PRPSAP2: variants seen among roughly 807,000 people sequenced by gnomAD.
PRPSAP2 encodes the protein phosphoribosyl pyrophosphate synthetase associated protein 2.
A neutral mutation model predicts 40.6 loss-of-function variants in PRPSAP2; 24 were observed. The observed-to-expected ratio is 0.59, with a 90% confidence interval of 0.43 to 0.83. The LOEUF is 0.83. Among genes scored for constraint, PRPSAP2 ranks in the 40% least tolerant of loss-of-function variants. PRPSAP2 has a pLI of 0.00. For synonymous variants in PRPSAP2, 149 were observed against 164.7 expected, an observed-to-expected ratio of 0.90 and a Z score of 0.73; for missense variants, 292 against 465.6, an observed-to-expected ratio of 0.63 and a Z score of 3.43.
At chr17:18,876,925 C>T (rs796079787) in intron 5 of PRPSAP2, among the ~76,000 whole-genome samples, 7 of 152,188 alleles carry the variant, frequency 4.6e-5, no homozygotes, top group African/African-American at 1.7e-4. Flanking sequence ...AGGGGCAGAT[C>T]CTCAAGTTTG....
chr17:18,892,691 G>A (rs1478352355), intron 8 of PRPSAP2, among the ~76,000 whole-genome samples: 1 of 84,444 alleles, frequency 1.2e-5, no homozygotes, highest in Non-Finnish European at 2.6e-5. Context: ...CCTGTTGAGT[G>A]TGTGTGTGTG....
At chr17:18,889,112 AGT>A (rs2039373570) in intron 7 of PRPSAP2, among the ~76,000 whole-genome samples, 1 of 152,346 alleles carries the variant, frequency 6.6e-6, no homozygotes, top group South Asian at 2.1e-4. Flanking sequence ...ACTTCCTGAG[AGT>A]GTTGGATAAA....
chr17:18,865,745 C>T, intron 2 of PRPSAP2, 57 bp from the exon 3 acceptor site: 2 of 1,145,602 alleles, frequency 1.7e-6, no homozygotes, highest in Non-Finnish European at 2.2e-6. Flanking sequence ...AAAAAAAATT[C>T]ATTCAGGTAT....
rs1287037420 is a variant in PRPSAP2 at position 18,865,722 on chromosome 17, AG to A, written c.-32-79del. 15 of 868,484 alleles carry A rather than the reference AG, an allele frequency of 1.7e-5. No individual in the cohort carries two copies. The Admixed American group carries it at 3.0e-4, about 17-fold the overall frequency. The allele number at this position is 868,484 out of a possible 1,614,324, so 53.8% of individuals were successfully genotyped here. A position where few individuals can be genotyped will look rare whatever the true frequency, so the allele number is the denominator to read the frequency against. ...ATGGAAACTAATTTCCTTCAGCTGA[AG>A]TCATTTCCTTTAAAAAAAATTCATT... On this transcript the variant is annotated intron_variant, in intron 2 of 11. Transcript: ENST00000268835.
chr17:18,889,517 T>C (rs1281942575), intron 7 of PRPSAP2, among the ~76,000 whole-genome samples: 1 of 152,200 alleles, frequency 6.6e-6, no homozygotes, highest in Admixed American at 6.5e-5. Flanking sequence ...TGAAATTACA[T>C]GTAATTAGGA....
At position 18,916,130 on chromosome 17, in the gene PRPSAP2, A is replaced by G. The variant is rs368494610; in HGVS notation, c.733+4879A>G. Among the ~76,000 whole-genome samples, 39 of 151,786 alleles carry G rather than the reference A, an allele frequency of 2.6e-4. No homozygotes were observed. The East Asian group carries it at 7.3e-3, about 28-fold the overall frequency. On this transcript the variant is annotated intron_variant, in intron 9 of 11. Transcript: ENST00000268835. ...ACTGCGCCTGGCCCAAATTTTTAAC[A>G]TAAGTTTTAGTGGAGACAAACTACA... is the stretch of plus-strand genomic sequence containing the variant.
At chr17:18,877,663 AT>A in intron 5 of PRPSAP2, 34 bp from the exon 6 acceptor site, 2 of 1,568,348 alleles carry the variant, frequency 1.3e-6, no homozygotes, top group Non-Finnish European at 1.7e-6. Flanking sequence ...TGTGTTGTAG[AT>A]CCCTTGATGA....
intron 10 of PRPSAP2, among the ~76,000 whole-genome samples, chr17:18,926,777 A>AGTGTGTGTGT (rs71155377): frequency 2.0e-5 from 3 of 148,222 alleles, no homozygotes; most frequent in African/African-American, 7.4e-5. Flanking sequence ...AGTGAGTGTG[A>AGTGTGTGTGT]GTGTGTGTGT....
chr17:18,877,983 G>A (rs569803156), intron 6 of PRPSAP2, 113 bp downstream of exon 6: 15 of 1,173,574 alleles, frequency 1.3e-5, no homozygotes, highest in African/African-American at 4.7e-5. Context: ...GTGTAGTGGC[G>A]TGATCATAGC....
In PRPSAP2 at chr17:18,930,435, C is replaced by T. The variant is rs2042202706; in HGVS notation, c.952-105C>T. ...TTGAGACATAGATCCACTGTGTTTT[C>T]CTGTCGTGGCAAGCCTCAGATTTGA... On this transcript the variant is annotated intron_variant, in intron 11 of 11. Transcript: ENST00000268835. The T allele has an allele frequency of 5.6e-6, 6 of 1,064,324 alleles. No individual in the cohort carries two copies. In the South Asian group the frequency reaches 9.9e-5, roughly 18 times the overall value. 65.9% of individuals were successfully genotyped at this position (1,064,324 alleles called of 1,614,324 possible). A position where few individuals can be genotyped will look rare whatever the true frequency, so the allele number is the denominator to read the frequency against.
chr17:18,930,751 G>C lies in PRPSAP2; in HGVS notation c.*53G>C. ...CCAAACTGGAAACATAAGAGTGACT[G>C]CTCGGTGGGATGGATTTCACAGGAA... On this transcript the variant is annotated 3_prime_UTR_variant, in exon 12 of 12. Coordinates refer to ENST00000268835, the MANE Select transcript of PRPSAP2 (RefSeq NM_002767.4). The C allele has an allele frequency of 6.7e-7, 1 of 1,482,694 alleles. No homozygotes were observed. 91.8% of individuals were successfully genotyped at this position (1,482,694 alleles called of 1,614,324 possible). A position where few individuals can be genotyped will look rare whatever the true frequency, so the allele number is the denominator to read the frequency against.
intron 7 of PRPSAP2, among the ~76,000 whole-genome samples, chr17:18,886,803 G>A (rs191962396): frequency 3.6e-4 from 55 of 151,930 alleles, no homozygotes; most frequent in Admixed American, 1.6e-3. Flanking sequence ...TTTGATTGTT[G>A]CCTTGCAAGA....
rs200655672 is a variant in PRPSAP2 at position 18,928,964 on chromosome 17, G to A, written c.951+7G>A. The A allele has an allele frequency of 6.2e-6, 10 of 1,611,346 alleles. No individual in the cohort carries two copies. In the East Asian group the frequency reaches 8.9e-5, roughly 14 times the overall value. The stretch of plus-strand genomic sequence containing the variant: ...AGAGTCTGCCATTGATGAGGTAACA[G>A]GGTCTGGGTGTGTGTGGGTACAGCT... On this transcript the variant is annotated splice_region_variant and intron_variant, in intron 11 of 11. Coordinates refer to ENST00000268835, the MANE Select transcript of PRPSAP2 (RefSeq NM_002767.4).
In PRPSAP2 at chr17:18,872,558, CTCTTCTTTTTCCTTT is replaced by C. The variant is rs750167446; in HGVS notation, c.173-22_173-8del. On this transcript the variant is annotated splice_polypyrimidine_tract_variant and intron_variant, in intron 4 of 11. Coordinates refer to ENST00000268835, the MANE Select transcript of PRPSAP2 (RefSeq NM_002767.4). ...AAATTTGAACTATATGCCTTTCCCT[CTCTTCTTTTTCCTTT>C]TCCTGCCAGAAACAAGAGTACAAAT... 14 of 1,534,532 alleles carry C rather than the reference CTCTTCTTTTTCCTTT, an allele frequency of 9.1e-6. No homozygotes were observed. The highest frequency in any genetic ancestry group is 3.4e-4 in the Middle Eastern group (2 of 5,932).
Position 18,930,598 on chromosome 17 carries a change from A to G in PRPSAP2, c.1010A>G (p.Lys337Arg), listed in dbSNP as rs778957702. The change falls in exon 12 of 12, where the codon AAA becomes AGA. Residue 337 changes from lysine to arginine, a missense_variant. Transcript: ENST00000268835. ...EVQKLQCPKI[K>R]TVDISMILSE... ...CAGAAGCTCCAGTGCCCCAAGATTA[A>G]AACTGTGGATATCAGCATGATCCTT... 1.9e-6 allele frequency: 3 copies of G among 1,613,876 alleles called. No individual in the cohort carries two copies. The highest frequency in any genetic ancestry group is 2.5e-6 in the Non-Finnish European group (3 of 1,179,826).
chr17:18,915,540 C>G (rs1026177217), intron 9 of PRPSAP2, among the ~76,000 whole-genome samples: 9 of 152,288 alleles, frequency 5.9e-5, no homozygotes, highest in African/African-American at 1.9e-4. Flanking sequence ...AGCATCACAT[C>G]TGGCAGTTTC....
At chr17:18,880,406 CTT>C (rs1185142102) in intron 6 of PRPSAP2, among the ~76,000 whole-genome samples, 1 of 151,604 alleles carries the variant, frequency 6.6e-6, no homozygotes, top group Non-Finnish European at 1.5e-5. Context: ...GTCTTGATAT[CTT>C]TTTTTTTCCC....
In PRPSAP2 at chr17:18,866,101, T is replaced by TC. The variant is rs568339974; in HGVS notation, c.119+150dup. ...TTTTTTTCATCATGTATCTTTTTTT[T>TC]CATCATGCAAGATGTTCATGTAGTA... On this transcript the variant is annotated intron_variant, in intron 3 of 11. Coordinates refer to ENST00000268835, the MANE Select transcript of PRPSAP2 (RefSeq NM_002767.4). 2.1e-5 allele frequency: 11 copies of TC among 529,686 alleles called. No homozygotes were observed. The East Asian group carries it at 4.3e-4, about 21-fold the overall frequency. The allele number at this position is 529,686 out of a possible 1,614,324, so 32.8% of individuals were successfully genotyped here. A position where few individuals can be genotyped will look rare whatever the true frequency, so the allele number is the denominator to read the frequency against.
chr17:18,929,053 T>A, intron 11 of PRPSAP2, 96 bp downstream of exon 11: 1 of 1,502,874 alleles, frequency 6.7e-7, no homozygotes, highest in Non-Finnish European at 8.9e-7. Context: ...TGAGATCTTT[T>A]GTGGCTGAGA....
Sources: gnomAD v4.1 joint callset for allele counts (sites outside exome capture counted in the v4.1 genomes callset) on GRCh38, gnomAD v4.1.1 for gene constraint, MANE v1.5 for transcripts, NCBI Gene and HGNC (gene_info 2026-07-23, HGNC 2026-07-21) for gene names.